Variants in NFIB observed in about 807,000 individuals in gnomAD.
NFIB encodes the protein nuclear factor I B, also known as nuclear factor 1 B-type.
A neutral mutation model predicts 61.5 loss-of-function variants in NFIB; 11 were observed. The ratio of observed to expected loss-of-function variants is 0.18; its 90% CI spans 0.11 to 0.30. The LOEUF (loss-of-function observed/expected upper bound fraction) is 0.30. Among genes scored for constraint, NFIB ranks in the 10% least tolerant of loss-of-function variants. The pLI is 1.00. For synonymous variants in NFIB, 260 were observed against 216.5 expected (o/e 1.20, Z -1.76); for missense variants, 471 against 608.9 (o/e 0.77, Z 2.38).
chr9:14,161,135 C>T (rs1457402080), intron 3 of NFIB, among the ~76,000 whole-genome samples: 3 of 152,110 alleles, frequency 2.0e-5, no homozygotes, highest in Non-Finnish European at 4.4e-5. Context: ...ACAACTAACC[C>T]ATTGGTAATT....
At chr9:14,171,894 C>T (rs528551112) in intron 3 of NFIB, among the ~76,000 whole-genome samples, 19 of 152,060 alleles carry the variant, frequency 1.2e-4, no homozygotes, top group Admixed American at 3.9e-4. Flanking sequence ...CTTTAAAAAT[C>T]GCAAGGTACT....
rs191165151 is a variant in NFIB at position 14,220,409 on chromosome 9, G to C, written c.563-40629C>G. 2.1e-3 allele frequency among the ~76,000 whole-genome samples: 324 copies of C among 152,210 alleles called. 1 individual carries two copies. The highest frequency in any genetic ancestry group is 7.4e-3 in the African/African-American group (309 of 41,530). On this transcript the variant is annotated intron_variant, in intron 2 of 10. Coordinates refer to ENST00000380953, the MANE Select transcript of NFIB (RefSeq NM_001190737.2). ...GCTTTGAATTCTGCTTCCATGTATTGTACTAGGGGAAAGACATGGCATTCT... is the reference window on the plus strand; with the variant it reads ...GCTTTGAATTCTGCTTCCATGTATTCTACTAGGGGAAAGACATGGCATTCT...
intron 2 of NFIB, among the ~76,000 whole-genome samples, chr9:14,277,297 C>T (rs2058063834): frequency 6.6e-6 from 1 of 152,042 alleles, no homozygotes; most frequent in Non-Finnish European, 1.5e-5. Flanking sequence ...CAAGCATCTC[C>T]AGGCAATATG....
At chr9:14,133,209 C>G (rs1156297621) in intron 6 of NFIB, among the ~76,000 whole-genome samples, 2 of 151,938 alleles carry the variant, frequency 1.3e-5, no homozygotes, top group Non-Finnish European at 2.9e-5. Context: ...TCTAGATAAA[C>G]AAAAACTCTG....
At chr9:14,409,287 A>T in the NFIB span, among the ~76,000 whole-genome samples, 4 of 152,200 alleles carry the variant, frequency 2.6e-5, no homozygotes, top group Non-Finnish European at 5.9e-5. Context: ...GCTGTTTAAC[A>T]ACTGGCTGGC....
At chr9:14,412,171 G>C in the NFIB span, among the ~76,000 whole-genome samples, 4 of 152,140 alleles carry the variant, frequency 2.6e-5, no homozygotes, top group African/African-American at 7.2e-5. Context: ...ACCAAGTTTG[G>C]GGGTAATTTG....
At chr9:14,322,671 G>A (rs1030006360) in intron 1 of NFIB, among the ~76,000 whole-genome samples, 3 of 152,258 alleles carry the variant, frequency 2.0e-5, no homozygotes, top group Admixed American at 2.0e-4. Context: ...GAAAGGAGGA[G>A]CCGGGGGCGG....
At chr9:14,484,025 C>A in the NFIB span, among the ~76,000 whole-genome samples, 322 of 152,250 alleles carry the variant, frequency 2.1e-3, 2 homozygotes, top group African/African-American at 7.6e-3. Flanking sequence ...GAAAAGAAAA[C>A]AGCTCTAGGG....
At chr9:14,180,215 G>C (rs1384772492) in intron 2 of NFIB, among the ~76,000 whole-genome samples, 2 of 152,150 alleles carry the variant, frequency 1.3e-5, no homozygotes, top group Non-Finnish European at 2.9e-5. Flanking sequence ...AAAATACACA[G>C]AAATGAGAGT....
intron 2 of NFIB, among the ~76,000 whole-genome samples, chr9:14,192,981 T>A (rs912863442): frequency 5.3e-5 from 8 of 152,038 alleles, no homozygotes; most frequent in African/African-American, 1.2e-4. Flanking sequence ...ATAACTTTTT[T>A]AAAAACCAAT....
At chr9:14,216,492 TTCTC>T (rs993666009) in intron 2 of NFIB, among the ~76,000 whole-genome samples, 22 of 110,812 alleles carry the variant, frequency 2.0e-4, no homozygotes, top group African/African-American at 7.7e-4. Flanking sequence ...TCTCCATTCT[TTCTC>T]TCTCTCTCTC....
chr9:14,292,374 G>C (rs2059160819), intron 2 of NFIB, among the ~76,000 whole-genome samples: 1 of 152,260 alleles, frequency 6.6e-6, no homozygotes, highest in South Asian at 2.1e-4. Flanking sequence ...ATTGGACTTT[G>C]AAATGAGCAA....
intron 2 of NFIB, among the ~76,000 whole-genome samples, chr9:14,218,603 A>G (rs916425413): frequency 6.6e-6 from 1 of 152,242 alleles, no homozygotes; most frequent in African/African-American, 2.4e-5. Flanking sequence ...AATTTTCTTC[A>G]GTATTTAATA....
At chr9:14,239,945 G>T (rs529780477) in intron 2 of NFIB, among the ~76,000 whole-genome samples, 1 of 151,892 alleles carries the variant, frequency 6.6e-6, no homozygotes, top group Admixed American at 6.6e-5. Flanking sequence ...AGGATGAAGA[G>T]AAATAAAATC....
the NFIB span, among the ~76,000 whole-genome samples, chr9:14,460,288 T>A: frequency 6.6e-6 from 1 of 150,816 alleles, no homozygotes; most frequent in African/African-American, 2.4e-5. Context: ...AAACACCACA[T>A]GTTCTCACTC....
the NFIB span, among the ~76,000 whole-genome samples, chr9:14,450,876 T>C: frequency 2.8e-4 from 43 of 152,342 alleles, 1 homozygote; most frequent in African/African-American, 9.4e-4. Flanking sequence ...TTGAAGAAAA[T>C]AGCTACACTT....
chr9:14,232,213 A>T (rs1360309593), intron 2 of NFIB, among the ~76,000 whole-genome samples: 1 of 152,206 alleles, frequency 6.6e-6, no homozygotes, highest in African/African-American at 2.4e-5. Flanking sequence ...CATGGTGGGC[A>T]AGTCAATAGT....
intron 1 of NFIB, among the ~76,000 whole-genome samples, chr9:14,333,610 G>A (rs2060847951): frequency 6.6e-6 from 1 of 152,184 alleles, no homozygotes; most frequent in Non-Finnish European, 1.5e-5. Flanking sequence ...CTTGGCCTAA[G>A]TCTTTGGATC....
intron 8 of NFIB, among the ~76,000 whole-genome samples, chr9:14,117,849 T>C (rs1413118280): frequency 6.6e-6 from 1 of 152,140 alleles, no homozygotes; most frequent in African/African-American, 2.4e-5. Context: ...GGTGCAGCAG[T>C]AATGCAATTA....
Sources: allele counts gnomAD v4.1 joint callset (sites outside exome capture counted in the v4.1 genomes callset), GRCh38; gene constraint gnomAD v4.1.1; transcripts MANE v1.5; gene names NCBI Gene and HGNC (gene_info 2026-07-23, HGNC 2026-07-21).